The following OTOG variants were observed in gnomAD, a reference collection of about 807,000 sequenced individuals.
OTOG encodes otogelin.
Under a neutral mutation model 313.8 loss-of-function variants are expected in OTOG, and 296 were observed. The ratio of observed to expected loss-of-function variants is 0.94; its 90% confidence interval spans 0.86 to 1.04. The LOEUF (loss-of-function observed/expected upper bound fraction) is 1.04. Ranked by LOEUF, OTOG falls within the 50% of genes least tolerant of loss-of-function variation. The pLI is 0.00. For synonymous variants in OTOG, 1,533 were observed against 1,554.9 expected (o/e 0.99, Z 0.33); for missense variants, 3,948 against 3,840.1 (o/e 1.03, Z -0.74).
intron 18 of OTOG, 114 bp downstream of exon 18, chr11:17,572,318 G>T: frequency 7.2e-7 from 1 of 1,397,924 alleles, no homozygotes; most frequent in Non-Finnish European, 9.6e-7. Flanking sequence ...TTGTAGGAGT[G>T]ATAAGAGAAG....
intron 48 of OTOG, 53 bp from the exon 49 acceptor site, chr11:17,639,370 T>G: frequency 1.3e-6 from 2 of 1,538,808 alleles, no homozygotes; most frequent in Non-Finnish European, 1.8e-6. Context: ...ACCCAGGGGA[T>G]TCCTACCTGG....
Position 17,600,827 on chromosome 11 carries a change from G to A in OTOG, c.3709+1130G>A, listed in dbSNP as rs540939295. On this transcript the variant is annotated intron_variant, in intron 31 of 55. Transcript: ENST00000399397. ...TTTTGGGTGGCAGTAACTGGCAAAG[G>A]ACAAGCTGTTTCTAGCATCTTCCAC... Among the ~76,000 whole-genome samples the A allele has an allele frequency of 5.3e-5, 8 of 152,310 alleles. No homozygotes were observed. The South Asian group carries it at 8.3e-4, about 16-fold the overall frequency.
Position 17,547,460 on chromosome 11 carries a change from C to T in OTOG, c.88C>T (p.Arg30Cys), listed in dbSNP as rs926971189. The T allele has an allele frequency of 3.0e-5, 41 of 1,368,260 alleles. No homozygotes were observed. The highest frequency in any genetic ancestry group is 3.6e-5 in the South Asian group (2 of 56,304). The allele number at this position is 1,368,260 out of a possible 1,614,324, so 84.8% of individuals were successfully genotyped here. ...EQAAESLRVQ[R>C]LAAAPVLWGS... Reference sequence around the variant, plus strand: ...GGCAGCCGAGTCCCTGCGGGTGCAGCGCCTCGGTGAGAGGGTTGTGGACTC... The same window carrying T: ...GGCAGCCGAGTCCCTGCGGGTGCAGTGCCTCGGTGAGAGGGTTGTGGACTC... Residue 30 changes from arginine (R) to cysteine (C), a missense_variant, in exon 1 of 56, where the codon CGC (arginine) becomes TGC (cysteine). Transcript: ENST00000399397.
chr11:17,583,422 C>T (rs965531450), intron 23 of OTOG, among the ~76,000 whole-genome samples: 1 of 152,160 alleles, frequency 6.6e-6, no homozygotes, highest in South Asian at 2.1e-4. Flanking sequence ...CTGCAACTGG[C>T]CAGCTTTACA....
At position 17,570,228 on chromosome 11, in the gene OTOG, G is replaced by C; in HGVS notation, c.1793G>C (p.Arg598Pro). 6.4e-7 allele frequency: 1 copy of C among 1,550,722 alleles called. No individual in the cohort carries two copies. Among genetic ancestry groups the C allele is most frequent in the East Asian group, 2.4e-5 (1 of 40,918 alleles). Residue 598 changes from arginine to proline, a missense_variant, in exon 17 of 56, where the codon CGT (arginine) becomes CCT (proline). Coordinates refer to ENST00000399397, the MANE Select transcript of OTOG (RefSeq NM_001292063.2). Reference protein sequence around the residue: ...PPYTDDAFEIRRLSSVFLRVR... With the variant: ...PPYTDDAFEIPRLSSVFLRVR... ...CTGTGCCCAGATGCCTTTGAGATCC[G>C]TAGGCTGTCCTCCGTGTTCCTGCGG...
rs1405896553 is a variant in OTOG at position 17,560,740 on chromosome 11, A to T, written c.1374A>T (p.Ala458=). 1 of 1,550,444 alleles carries T rather than the reference A, an allele frequency of 6.4e-7. No individual in the cohort carries two copies. Among genetic ancestry groups the T allele is most frequent in the East Asian group, 2.4e-5 (1 of 40,924 alleles). The part of the protein sequence containing the change: ...GLIFEDGGCV[A]PAECPCEFHG... ...TCTTCGAGGATGGGGGCTGCGTGGC[A>T]CCAGCTGAGTGTCCCTGTGAGTTTC... is the stretch of plus-strand genomic sequence containing the variant. Residue 458 remains alanine, a synonymous_variant, in exon 13 of 56, where the codon GCA becomes GCT. Coordinates refer to ENST00000399397, the MANE Select transcript of OTOG (RefSeq NM_001292063.2).
At chr11:17,579,805 A>C (rs1852624900) in intron 23 of OTOG, among the ~76,000 whole-genome samples, 1 of 152,176 alleles carries the variant, frequency 6.6e-6, no homozygotes, top group Admixed American at 6.5e-5. Flanking sequence ...AGTAGTAGCA[A>C]GGCCACAGAG....
intron 47 of OTOG, among the ~76,000 whole-genome samples, chr11:17,636,351 G>A (rs959386167): frequency 6.6e-6 from 1 of 152,090 alleles, no homozygotes; most frequent in Non-Finnish European, 1.5e-5. Flanking sequence ...CGGATTGTAA[G>A]CAAACCTAAT....
At chr11:17,623,587 G>T (rs1464957495) in intron 39 of OTOG, among the ~76,000 whole-genome samples, 1 of 152,114 alleles carries the variant, frequency 6.6e-6, no homozygotes, top group Non-Finnish European at 1.5e-5. Context: ...TTGCTATTGT[G>T]AGTAGTGCTA....
chr11:17,635,679 C>T lies in OTOG; in HGVS notation c.7763C>T (p.Thr2588Ile). The stretch of plus-strand genomic sequence containing the variant: ...GAGGCGCTCACTGTGCACAGGAATA[C>T]CACGGAACTCTGCTGCCCTCTGTAC... ...EGEALTVHRNTTELCCPLYQC... is the reference protein window; with the variant it reads ...EGEALTVHRNITELCCPLYQC... Residue 2588 changes from threonine (T) to isoleucine (I), a missense_variant, in exon 47 of 56, where the codon ACC becomes ATC. Physicochemically the swap from Thr to Ile is moderately conservative, Grantham distance 89. Coordinates refer to ENST00000399397, the MANE Select transcript of OTOG (RefSeq NM_001292063.2). 3.9e-6 allele frequency: 6 copies of T among 1,550,584 alleles called. No individual in the cohort carries two copies. The highest frequency in any genetic ancestry group is 5.2e-6 in the Non-Finnish European group (6 of 1,146,952).
At chr11:17,596,504 A>G (rs1344038538) in intron 29 of OTOG, among the ~76,000 whole-genome samples, 2 of 152,212 alleles carry the variant, frequency 1.3e-5, no homozygotes, top group African/African-American at 2.4e-5. Context: ...GCTGGGGCTC[A>G]GCACTGCATG....
At chr11:17,639,280 C>T in intron 48 of OTOG, 143 bp from the exon 49 acceptor site, 1 of 809,878 alleles carries the variant, frequency 1.2e-6, no homozygotes, top group African/African-American at 1.7e-5. Context: ...AGATTTGGGC[C>T]TCTTCCTCTC....
Position 17,642,217 on chromosome 11 carries a change from C to G in OTOG, c.8386C>G (p.Pro2796Ala). 1.3e-6 allele frequency: 2 copies of G among 1,550,092 alleles called. No homozygotes were observed. Among genetic ancestry groups the G allele is most frequent in the Non-Finnish European group, 8.7e-7 (1 of 1,146,696 alleles). ...AVLVRSPISCPPLNETECAKV... is the reference protein window; with the variant it reads ...AVLVRSPISCAPLNETECAKV... ...GCTGGTCCGCTCTCCCATAAGCTGC[C>G]CACCGCTCAATGAGACTGAGTGTGC... is the stretch of plus-strand genomic sequence containing the variant. The change falls in exon 53 of 56, where the codon CCA becomes GCA. Residue 2796 changes from proline (P) to alanine (A), a missense_variant. Coordinates refer to ENST00000399397, the MANE Select transcript of OTOG (RefSeq NM_001292063.2).
intron 47 of OTOG, 95 bp from the exon 48 acceptor site, chr11:17,638,356 G>A (rs954464762): frequency 1.9e-6 from 2 of 1,057,526 alleles, no homozygotes; most frequent in Non-Finnish European, 2.7e-6. Context: ...AGGAGGAGCT[G>A]GGGGTAGCCT....
intron 4 of OTOG, among the ~76,000 whole-genome samples, chr11:17,552,400 A>G (rs371546947): frequency 4.0e-5 from 6 of 151,206 alleles, no homozygotes; most frequent in African/African-American, 1.5e-4. Flanking sequence ...GCTTCTTTCT[A>G]CTTTCTGTGG....
At position 17,596,727 on chromosome 11, in the gene OTOG, G is replaced by A. The variant is rs899213103; in HGVS notation, c.3526-124G>A. ...TTGTCCTTCTCCCTTCACACCTCAT[G>A]AGACAGGATAGCTCACCCTATCCCG... On this transcript the variant is annotated intron_variant, in intron 29 of 55. Coordinates refer to ENST00000399397, the MANE Select transcript of OTOG (RefSeq NM_001292063.2). 9.8e-6 allele frequency: 8 copies of A among 816,610 alleles called. No homozygotes were observed. The Admixed American group carries it at 1.7e-4, about 18-fold the overall frequency. 50.6% of individuals were successfully genotyped at this position (816,610 alleles called of 1,614,324 possible).
In OTOG at chr11:17,561,820, G is replaced by A; in HGVS notation, c.1644+13G>A. The stretch of plus-strand genomic sequence containing the variant: ...CCCATGTGGCCTGGTAAGAGCTGGG[G>A]ATCCCCAGGCCCGATCCACCCAGCT... On this transcript the variant is annotated intron_variant, in intron 15 of 55. Transcript: ENST00000399397. The A allele has an allele frequency of 6.5e-7, 1 of 1,549,970 alleles. No homozygotes were observed. Among genetic ancestry groups the A allele is most frequent in the Non-Finnish European group, 8.7e-7 (1 of 1,146,856 alleles).
chr11:17,644,813 C>G (rs1848042161), intron 54 of OTOG, among the ~76,000 whole-genome samples: 1 of 152,078 alleles, frequency 6.6e-6, no homozygotes. Context: ...GTGATTGTCC[C>G]CTCGACAAAT....
At chr11:17,560,101 T>C (rs1291426478) in intron 12 of OTOG, among the ~76,000 whole-genome samples, 1 of 152,206 alleles carries the variant, frequency 6.6e-6, no homozygotes, top group Non-Finnish European at 1.5e-5. Context: ...GAACAGATCA[T>C]TGGTTTATGT....
Sources: gnomAD v4.1 joint callset for allele counts (sites outside exome capture counted in the v4.1 genomes callset) on GRCh38, gnomAD v4.1.1 for gene constraint, MANE v1.5 for transcripts, NCBI Gene and HGNC (gene_info 2026-07-23, HGNC 2026-07-21) for gene names.